The following IFT74 variants were observed in gnomAD, a reference collection of about 807,000 sequenced individuals.
IFT74 encodes intraflagellar transport protein 74 homolog.
Under a neutral mutation model 96.7 loss-of-function variants are expected in IFT74, and 92 were observed. The ratio of observed to expected loss-of-function variants is 0.95; its 90% CI spans 0.80 to 1.13. The LOEUF (loss-of-function observed/expected upper bound fraction) is 1.13. Ranked by LOEUF, IFT74 falls within the 50% of genes most tolerant of loss-of-function variation. The pLI, the probability that IFT74 is intolerant of heterozygous loss-of-function variation, is 0.00. For synonymous variants in IFT74, 223 were observed against 213.2 expected, an observed-to-expected ratio of 1.05 and a Z score of -0.40; for missense variants, 811 against 698.2, an observed-to-expected ratio of 1.16 and a Z score of -1.82.
At chr9:27,007,284 C>T (rs1020587593) in intron 8 of IFT74, among the ~76,000 whole-genome samples, 1 of 152,156 alleles carries the variant, frequency 6.6e-6, no homozygotes, top group African/African-American at 2.4e-5. Flanking sequence ...TGTAATTTCT[C>T]CTCTGTAAAA....
chr9:27,056,348 G>A lies in IFT74; in HGVS notation c.1512G>A (p.Glu504=). ...GATCTTTCTAGAAATTACATCAGGA[G>A]AGAATGATATTATCAACCCACAGAA... is the stretch of plus-strand genomic sequence containing the variant. ...GEEKIKKLHQ[E]RMILSTHRNA... The change falls in exon 18 of 20, where the codon GAG becomes GAA. Residue 504 remains glutamate (E), a synonymous_variant. Coordinates refer to ENST00000380062, the MANE Select transcript of IFT74 (RefSeq NM_025103.4). 1 of 1,579,974 alleles carries A rather than the reference G, an allele frequency of 6.3e-7. No individual in the cohort carries two copies. The highest frequency in any genetic ancestry group is 1.8e-5 in the Admixed American group (1 of 57,028).
chr9:26,976,653 A>T, intron 2 of IFT74: 1 of 426,782 alleles, frequency 2.3e-6, no homozygotes, highest in Non-Finnish European at 4.6e-6. Context: ...CTGGGCATGT[A>T]GTAAAATCAG....
Position 27,056,476 on chromosome 9 carries a change from A to G in IFT74, c.1623+17A>G. ...CATTCTCAGGTAAAAAATGTTTTAA[A>G]TGACTTTGAAATTGTCTTAGTCTAT... On this transcript the variant is annotated intron_variant, in intron 18 of 19. Coordinates refer to ENST00000380062, the MANE Select transcript of IFT74 (RefSeq NM_025103.4). 1 of 1,581,254 alleles carries G rather than the reference A, an allele frequency of 6.3e-7. No individual in the cohort carries two copies. Among genetic ancestry groups the G allele is most frequent in the Non-Finnish European group, 8.6e-7 (1 of 1,166,720 alleles).
chr9:27,012,729 T>TTTA (rs1157770082), intron 10 of IFT74, among the ~76,000 whole-genome samples: 2 of 142,036 alleles, frequency 1.4e-5, no homozygotes, highest in African/African-American at 5.4e-5. Flanking sequence ...TTTTTTTTTT[T>TTTA]TTTTTTAGAC....
In IFT74 at chr9:26,947,243, G is replaced by A. The variant is rs569716675; in HGVS notation, c.-20+97G>A. On this transcript the variant is annotated intron_variant, in intron 1 of 19. Transcript: ENST00000433700. ...GCGGGCCGAGTGACACAGCAAGCCT[G>A]ACAGGCACTCCGGAATTCATCATCG... 72 of 578,522 alleles carry A rather than the reference G, an allele frequency of 1.2e-4. No homozygotes were observed. In the African/African-American group the frequency reaches 1.3e-3, roughly 10 times the overall value. The allele number at this position is 578,522 out of a possible 1,614,324, so 35.8% of individuals were successfully genotyped here.
intron 2 of IFT74, among the ~76,000 whole-genome samples, chr9:26,963,214 T>C (rs1212908832): frequency 2.6e-5 from 4 of 151,710 alleles, no homozygotes; most frequent in African/African-American, 7.3e-5. Context: ...CGGTGTTTGG[T>C]TTTTTGTTCT....
At chr9:27,038,338 C>T (rs1034643118) in intron 13 of IFT74, among the ~76,000 whole-genome samples, 1 of 152,190 alleles carries the variant, frequency 6.6e-6, no homozygotes, top group Non-Finnish European at 1.5e-5. Context: ...TTTTAGCTCA[C>T]TGCAACCTCT....
At chr9:27,035,244 C>A (rs762072672) in intron 13 of IFT74, among the ~76,000 whole-genome samples, 2 of 152,152 alleles carry the variant, frequency 1.3e-5, no homozygotes, top group Non-Finnish European at 2.9e-5. Flanking sequence ...AAGTATTTTC[C>A]CGTCAGTATT....
At chr9:27,021,599 C>G (rs1795861296) in intron 12 of IFT74, among the ~76,000 whole-genome samples, 3 of 152,066 alleles carry the variant, frequency 2.0e-5, no homozygotes, top group Admixed American at 1.3e-4. Context: ...GCATCATTTC[C>G]TATGATTGTT....
At chr9:26,983,483 A>C (rs1354588021) in intron 4 of IFT74, among the ~76,000 whole-genome samples, 1 of 152,158 alleles carries the variant, frequency 6.6e-6, no homozygotes, top group Admixed American at 6.5e-5. Context: ...AGGAAGTGCT[A>C]CTGATACTCA....
intron 12 of IFT74, among the ~76,000 whole-genome samples, chr9:27,023,525 G>C (rs1398672104): frequency 6.6e-6 from 1 of 151,922 alleles, no homozygotes; most frequent in Non-Finnish European, 1.5e-5. Flanking sequence ...GATCATGGAG[G>C]ATCTTTTTGA....
chr9:26,974,459 A>G (rs1827013813), intron 2 of IFT74, among the ~76,000 whole-genome samples: 1 of 152,166 alleles, frequency 6.6e-6, no homozygotes, highest in Non-Finnish European at 1.5e-5. Context: ...AGAATTTTAT[A>G]GGCCCCTCAT....
chr9:27,022,278 C>G (rs1829645516), intron 12 of IFT74, among the ~76,000 whole-genome samples: 1 of 152,108 alleles, frequency 6.6e-6, no homozygotes, highest in Admixed American at 6.6e-5. Flanking sequence ...ATGTCTCCAG[C>G]TTTGTTCTTT....
At chr9:26,998,206 G>C in intron 8 of IFT74, 16 of 1,502,724 alleles carry the variant, frequency 1.1e-5, no homozygotes, top group Non-Finnish European at 1.4e-5. Flanking sequence ...CTGGAATCAA[G>C]GTATAATTTT....
chr9:26,963,655 CTG>C (rs1174234768), intron 2 of IFT74, among the ~76,000 whole-genome samples: 12 of 151,848 alleles, frequency 7.9e-5, no homozygotes, highest in Admixed American at 5.9e-4. Context: ...GCCATTCTAA[CTG>C]GTGTGAGATG....
In IFT74 at chr9:26,963,742, C is replaced by T. The variant is rs150799912; in HGVS notation, c.120+1655C>T. ...GAGCATTGTTTCATGTGTTTTTTGG[C>T]TGCATAAATGTCTTCTTTTGGGAAG... On this transcript the variant is annotated intron_variant, in intron 2 of 19. Coordinates refer to ENST00000380062, the MANE Select transcript of IFT74 (RefSeq NM_025103.4). Among the ~76,000 whole-genome samples the T allele has an allele frequency of 1.8e-3, 273 of 152,304 alleles. 6 individuals carry two copies. The East Asian group carries it at 0.048, about 27-fold the overall frequency.
chr9:27,018,507 T>G (rs1829456783), intron 11 of IFT74, 140 bp from the exon 12 acceptor site: 1 of 446,294 alleles, frequency 2.2e-6, no homozygotes. Flanking sequence ...CTTCAAAGGT[T>G]GAAATCTAAA....
chr9:27,016,839 T>C (rs1411327788), intron 10 of IFT74, 68 bp from the exon 11 acceptor site: 2 of 1,295,450 alleles, frequency 1.5e-6, no homozygotes, highest in East Asian at 5.1e-5. Context: ...TCTTATAAAC[T>C]GAAACCTATT....
chr9:27,039,258 C>A (rs1034928492), intron 13 of IFT74, among the ~76,000 whole-genome samples: 3 of 152,110 alleles, frequency 2.0e-5, no homozygotes, highest in African/African-American at 7.2e-5. Context: ...CTCGAACTCG[C>A]AGCCTCAAGC....
Sources: allele counts gnomAD v4.1 joint callset (sites outside exome capture counted in the v4.1 genomes callset), GRCh38; gene constraint gnomAD v4.1.1; transcripts MANE v1.5; gene names NCBI Gene and HGNC (gene_info 2026-07-23, HGNC 2026-07-21).